OPCML: variants seen among roughly 807,000 people sequenced by gnomAD.
OPCML encodes the protein opioid-binding protein/cell adhesion molecule.
Under a neutral mutation model 37.8 loss-of-function variants are expected in OPCML, and 13 were observed. The observed-to-expected ratio is 0.34, with a 90% CI of 0.22 to 0.55. OPCML has a LOEUF of 0.55. Among genes scored for constraint, OPCML ranks in the 20% least tolerant of loss-of-function variants. The pLI is 0.91. For missense variants in OPCML, 341 were observed against 435.6 expected (o/e 0.78, Z 1.93); for synonymous variants, 176 against 168.8 (o/e 1.04, Z -0.33).
chr11:133,226,130 A>G lies in OPCML; in HGVS notation c.62-283120T>C, dbSNP rs80325128. Among the ~76,000 whole-genome samples, 901 of 152,296 alleles carry G rather than the reference A, an allele frequency of 5.9e-3. 8 individuals are homozygous for G. The highest frequency in any genetic ancestry group is 0.03 in the East Asian group (153 of 5,160). ...GTGAGATAATTAAGCGGGGATATAG[A>G]CTGACTGGATGTACCCCAAATTTTC... is the stretch of plus-strand genomic sequence containing the variant. On this transcript the variant is annotated intron_variant, in intron 1 of 7. Transcript: ENST00000524381.
intron 1 of OPCML, among the ~76,000 whole-genome samples, chr11:133,527,272 T>C (rs1183173568): frequency 6.6e-6 from 1 of 152,158 alleles, no homozygotes; most frequent in Non-Finnish European, 1.5e-5. Context: ...AGACCAAAGG[T>C]GCCATGTCTG....
In OPCML at chr11:133,063,535, C is replaced by T. The variant is rs763586075; in HGVS notation, c.62-120525G>A. On this transcript the variant is annotated intron_variant, in intron 1 of 7. Coordinates refer to ENST00000524381, the MANE Select transcript of OPCML (RefSeq NM_001012393.5). ...TCTGCCGCAAGGTTTTATTCAGTCT[C>T]ATGGTCAGAAAAGGTCATTTACAGA... 8.9e-4 allele frequency among the ~76,000 whole-genome samples: 135 copies of T among 151,168 alleles called. 2 individuals carry two copies. The highest frequency in any genetic ancestry group is 2.8e-4 in the Non-Finnish European group (19 of 67,868).
At chr11:133,506,630 C>G (rs1948036800) in intron 1 of OPCML, among the ~76,000 whole-genome samples, 1 of 152,212 alleles carries the variant, frequency 6.6e-6, no homozygotes. Context: ...TGTGGGAACA[C>G]TGGCCGGCAG....
At chr11:132,667,462 C>A (rs1371790866) in intron 2 of OPCML, among the ~76,000 whole-genome samples, 1 of 152,092 alleles carries the variant, frequency 6.6e-6, no homozygotes. Context: ...TCTTACATTG[C>A]AGTATGTAAG....
chr11:132,723,715 C>A (rs1158194246), intron 2 of OPCML, among the ~76,000 whole-genome samples: 2 of 152,246 alleles, frequency 1.3e-5, no homozygotes, highest in Non-Finnish European at 2.9e-5. Flanking sequence ...CTATGCCCTC[C>A]AGGCACTGTT....
At chr11:132,795,705 T>C (rs1938265266) in intron 2 of OPCML, among the ~76,000 whole-genome samples, 1 of 152,216 alleles carries the variant, frequency 6.6e-6, no homozygotes. Context: ...TCTCTTTCAC[T>C]TAACATACTG....
At chr11:132,648,452 T>G (rs1941264780) in intron 3 of OPCML, among the ~76,000 whole-genome samples, 1 of 152,140 alleles carries the variant, frequency 6.6e-6, no homozygotes, top group African/African-American at 2.4e-5. Flanking sequence ...GCATTACGAC[T>G]GTTCCGTTTA....
intron 3 of OPCML, among the ~76,000 whole-genome samples, chr11:132,559,502 A>C (rs920400688): frequency 1.8e-4 from 27 of 152,214 alleles, no homozygotes; most frequent in African/African-American, 6.5e-4. Flanking sequence ...TCTGGACGCC[A>C]CCAGCTTGCC....
intron 1 of OPCML, among the ~76,000 whole-genome samples, chr11:133,373,446 T>TAC (rs1555147600): frequency 1.5e-4 from 20 of 133,326 alleles, no homozygotes; most frequent in African/African-American, 5.8e-4. Flanking sequence ...TATATATATA[T>TAC]ATACACACAC....
chr11:133,194,492 G>A (rs769247120), intron 1 of OPCML, among the ~76,000 whole-genome samples: 10 of 152,128 alleles, frequency 6.6e-5, no homozygotes, highest in Non-Finnish European at 1.5e-4. Context: ...TTACAGGCAT[G>A]AGCCACTGCG....
At chr11:133,065,799 C>G (rs1395129684) in intron 1 of OPCML, 1 of 152,298 alleles carries the variant, frequency 6.6e-6, no homozygotes, top group Non-Finnish European at 1.5e-5. Context: ...TGCACAGACC[C>G]GCAAGCACCC....
chr11:132,831,791 G>A (rs1940706328), intron 2 of OPCML, among the ~76,000 whole-genome samples: 1 of 150,930 alleles, frequency 6.6e-6, no homozygotes, highest in Non-Finnish European at 1.5e-5. Context: ...AGCACAGAAA[G>A]CCCTGTACAA....
chr11:132,629,399 A>G (rs1939954187), intron 3 of OPCML, among the ~76,000 whole-genome samples: 1 of 152,144 alleles, frequency 6.6e-6, no homozygotes, highest in Admixed American at 6.5e-5. Context: ...CAACAAAATT[A>G]TTGTCTTTAG....
At chr11:132,470,669 T>C (rs866492387) in intron 4 of OPCML, among the ~76,000 whole-genome samples, 15 of 152,118 alleles carry the variant, frequency 9.9e-5, no homozygotes, top group African/African-American at 3.1e-4. Context: ...AGTGTGATCA[T>C]AGATATCATT....
chr11:132,843,238 T>G (rs2725448), intron 2 of OPCML, among the ~76,000 whole-genome samples: 36,381 of 151,654 alleles, frequency 0.24, 4,366 homozygotes, highest in Non-Finnish European at 0.28. Context: ...GGGATTACAG[T>G]CATGTGCCAC....
At chr11:132,714,406 A>G (rs1944389005) in intron 2 of OPCML, among the ~76,000 whole-genome samples, 1 of 152,224 alleles carries the variant, frequency 6.6e-6, no homozygotes, top group African/African-American at 2.4e-5. Flanking sequence ...TATGTGCGGC[A>G]CAGAGTAGAA....
chr11:133,466,732 T>TA (rs1487946656), intron 1 of OPCML, among the ~76,000 whole-genome samples: 2 of 152,190 alleles, frequency 1.3e-5, no homozygotes, highest in African/African-American at 4.8e-5. Flanking sequence ...GATAATATAC[T>TA]AATACTTCGG....
chr11:133,329,658 C>T (rs904639118), intron 1 of OPCML, among the ~76,000 whole-genome samples: 3 of 152,074 alleles, frequency 2.0e-5, no homozygotes, highest in Non-Finnish European at 4.4e-5. Flanking sequence ...AAACTGGATC[C>T]CTTCCTTACA....
At chr11:132,833,491 G>A (rs1445901115) in intron 2 of OPCML, among the ~76,000 whole-genome samples, 1 of 152,210 alleles carries the variant, frequency 6.6e-6, no homozygotes, top group Non-Finnish European at 1.5e-5. Flanking sequence ...CTGTTTTACA[G>A]TGAACTTCTT....
Sources: allele counts gnomAD v4.1 joint callset (sites outside exome capture counted in the v4.1 genomes callset), GRCh38; gene constraint gnomAD v4.1.1; transcripts MANE v1.5; gene names NCBI Gene and HGNC (gene_info 2026-07-23, HGNC 2026-07-21).